Variants in OSBPL1A observed in about 807,000 individuals in gnomAD.
OSBPL1A encodes oxysterol binding protein like 1A, also known as oxysterol-binding protein-related protein 1.
In OSBPL1A, 80 loss-of-function variants were observed where a neutral mutation model predicts 137.1. The observed-to-expected ratio is 0.58, with a 90% CI of 0.49 to 0.70. The LOEUF (loss-of-function observed/expected upper bound fraction) is 0.70, where lower values mean the gene tolerates loss of function less well. Ranked by LOEUF, OSBPL1A falls within the 30% of genes least tolerant of loss-of-function variation. The pLI is 0.00. For missense variants in OSBPL1A, 970 were observed against 1,129.4 expected (o/e 0.86, Z 2.02); for synonymous variants, 365 against 389.7 (o/e 0.94, Z 0.75).
intron 7 of OSBPL1A, among the ~76,000 whole-genome samples, chr18:24,327,088 C>T (rs2090994348): frequency 6.7e-6 from 1 of 150,190 alleles, no homozygotes; most frequent in African/African-American, 2.4e-5. Flanking sequence ...GTAAATGTTG[C>T]TCTTATGGTT....
chr18:24,256,220 T>C (rs972222802), intron 15 of OSBPL1A, among the ~76,000 whole-genome samples: 1 of 152,190 alleles, frequency 6.6e-6, no homozygotes, highest in Non-Finnish European at 1.5e-5. Context: ...TACTGATGCA[T>C]AAATCCTTGA....
chr18:24,386,387 T>C (rs1281257324), intron 1 of OSBPL1A, among the ~76,000 whole-genome samples: 5 of 152,182 alleles, frequency 3.3e-5, no homozygotes, highest in African/African-American at 2.4e-5. Context: ...CAATTAATAC[T>C]ACATATTCCA....
At chr18:24,176,706 G>A (rs529801585) in intron 21 of OSBPL1A, among the ~76,000 whole-genome samples, 1 of 152,300 alleles carries the variant, frequency 6.6e-6, no homozygotes, top group South Asian at 2.1e-4. Flanking sequence ...TCCAGTGTCA[G>A]TTTAATTTTC....
At position 24,314,333 on chromosome 18, in the gene OSBPL1A, A is replaced by C. The variant is rs1043856158; in HGVS notation, c.885T>G (p.Asp295Glu). The part of the protein sequence containing the change: ...TQAVCTVKST[D>E]SCLFFIKCFD... ...AGCATTTAATAAAGAAGAGGCAGCT[A>C]TCAGTGGATTTTACCTTGGATATAA... Residue 295 changes from aspartate to glutamate, a missense_variant, in exon 12 of 28, where the codon GAT becomes GAG. Physicochemically the swap from Asp to Glu is conservative, Grantham distance 45. This residue lies in a region of OSBPL1A where 647 missense variants were observed against 672.6 expected (regional missense o/e 0.96). Transcript: ENST00000319481. The C allele has an allele frequency of 1.9e-6, 3 of 1,607,308 alleles. No individual in the cohort carries two copies. Among genetic ancestry groups the C allele is most frequent in the South Asian group, 1.1e-5 (1 of 89,530 alleles).
At chr18:24,395,636 G>C (rs1157973191) in intron 1 of OSBPL1A, among the ~76,000 whole-genome samples, 1 of 146,706 alleles carries the variant, frequency 6.8e-6, no homozygotes, top group Admixed American at 6.8e-5. Flanking sequence ...TCTTTTTTTT[G>C]TGAGACGGAG....
At chr18:24,373,771 A>G (rs552198778) in intron 2 of OSBPL1A, among the ~76,000 whole-genome samples, 12 of 152,290 alleles carry the variant, frequency 7.9e-5, no homozygotes, top group South Asian at 2.1e-4. Flanking sequence ...AAATGCCGGG[A>G]AGGAACCCCC....
At chr18:24,249,802 G>C (rs1186529196) in intron 15 of OSBPL1A, among the ~76,000 whole-genome samples, 1 of 152,128 alleles carries the variant, frequency 6.6e-6, no homozygotes, top group Non-Finnish European at 1.5e-5. Flanking sequence ...CCTCTGGGGG[G>C]TCCTAGGTAA....
Position 24,192,383 on chromosome 18 carries a change from C to T in OSBPL1A, c.1677+3742G>A, listed in dbSNP as rs1157647155. The stretch of plus-strand genomic sequence containing the variant: ...ACAAGCAGAAAGAAATAAGCAAAGG[C>T]TTCAAATGACTAAGCAGTGTCAGGA... On this transcript the variant is annotated intron_variant, in intron 18 of 27. Coordinates refer to ENST00000319481, the MANE Select transcript of OSBPL1A (RefSeq NM_080597.4). 2.0e-5 allele frequency among the ~76,000 whole-genome samples: 3 copies of T among 152,104 alleles called. No individual in the cohort carries two copies. In the South Asian group the frequency reaches 6.2e-4, roughly 32 times the overall value.
chr18:24,329,812 A>C (rs9950806), intron 7 of OSBPL1A, among the ~76,000 whole-genome samples: 2,505 of 152,214 alleles, frequency 0.016, 70 homozygotes, highest in African/African-American at 0.057. Flanking sequence ...TCAAAACTCA[A>C]ATTCACCAAG....
chr18:24,215,889 A>C (rs974747019), intron 17 of OSBPL1A, among the ~76,000 whole-genome samples: 1 of 152,232 alleles, frequency 6.6e-6, no homozygotes, highest in African/African-American at 2.4e-5. Flanking sequence ...AAGAGGGTAC[A>C]TCTTTGGATA....
At chr18:24,316,016 T>C (rs2090729320) in intron 11 of OSBPL1A, among the ~76,000 whole-genome samples, 1 of 149,882 alleles carries the variant, frequency 6.7e-6, no homozygotes, top group Admixed American at 6.8e-5. Context: ...ATCCCAGCAC[T>C]TTGGTAGGCC....
chr18:24,371,346 T>G (rs1905620152), intron 2 of OSBPL1A, among the ~76,000 whole-genome samples: 1 of 152,126 alleles, frequency 6.6e-6, no homozygotes, highest in African/African-American at 2.4e-5. Context: ...CCGAGACAAC[T>G]CTACCTTAGC....
chr18:24,369,357 G>T (rs1905429676), intron 2 of OSBPL1A, among the ~76,000 whole-genome samples: 1 of 152,178 alleles, frequency 6.6e-6, no homozygotes, highest in Non-Finnish European at 1.5e-5. Flanking sequence ...GATATTCAGA[G>T]CACTATTTAG....
intron 17 of OSBPL1A, among the ~76,000 whole-genome samples, chr18:24,204,932 G>A (rs138388586): frequency 2.6e-4 from 39 of 152,178 alleles, no homozygotes; most frequent in African/African-American, 8.4e-4. Flanking sequence ...AAGTTCAGGC[G>A]TTTTTAAAAA....
chr18:24,192,958 A>G (rs1435092659), intron 18 of OSBPL1A, among the ~76,000 whole-genome samples: 1 of 152,184 alleles, frequency 6.6e-6, no homozygotes, highest in Non-Finnish European at 1.5e-5. Flanking sequence ...CAGGATGCTT[A>G]CACCCCGCAC....
chr18:24,270,366 A>G (rs111226455), intron 15 of OSBPL1A, among the ~76,000 whole-genome samples: 29 of 152,344 alleles, frequency 1.9e-4, no homozygotes, highest in African/African-American at 6.7e-4. Flanking sequence ...TGGAAAACCT[A>G]ACAGGCTCTT....
Position 24,213,608 on chromosome 18 carries a change from T to C in OSBPL1A, c.1601+11434A>G, listed in dbSNP as rs1389612287. 3.9e-5 allele frequency among the ~76,000 whole-genome samples: 6 copies of C among 152,196 alleles called. No homozygotes were observed. In the East Asian group the frequency reaches 1.2e-3, roughly 29 times the overall value. On this transcript the variant is annotated intron_variant, in intron 17 of 27. Transcript: ENST00000319481. ...AATAAAATCTGATGTAATTATCTGA[T>C]ATTACTATTTAATTTTGCTAATATT...
intron 5 of OSBPL1A, among the ~76,000 whole-genome samples, chr18:24,338,994 G>A (rs1009856707): frequency 1.3e-5 from 2 of 152,060 alleles, no homozygotes; most frequent in Non-Finnish European, 2.9e-5. Context: ...TTACAGGTGT[G>A]AGCCACTGCA....
intron 21 of OSBPL1A, among the ~76,000 whole-genome samples, chr18:24,176,381 A>C (rs2086447073): frequency 6.6e-6 from 1 of 152,038 alleles, no homozygotes; most frequent in South Asian, 2.1e-4. Flanking sequence ...CATCCTTTAC[A>C]TATTTTGACA....
Sources: allele counts gnomAD v4.1 joint callset (sites outside exome capture counted in the v4.1 genomes callset), GRCh38; gene constraint gnomAD v4.1.1; regional missense constraint gnomAD v4.1.1; transcripts MANE v1.5; gene names NCBI Gene and HGNC (gene_info 2026-07-23, HGNC 2026-07-21).